Variants in SLC49A3 observed in about 807,000 individuals in gnomAD.
The protein encoded by SLC49A3 is solute carrier family 49 member A3.
In SLC49A3, 50 loss-of-function variants were observed where a neutral mutation model predicts 43.8. The ratio of observed to expected loss-of-function variants is 1.14; its 90% CI spans 0.91 to 1.45. The LOEUF is 1.45. Among genes scored for constraint, SLC49A3 ranks in the 40% most tolerant of loss-of-function variants. SLC49A3 has a pLI of 0.00. For missense variants in SLC49A3, 906 were observed against 774.1 expected (o/e 1.17, Z -2.02); for synonymous variants, 413 against 352.0 (o/e 1.17, Z -1.94).
chr4:690,397 G>A (rs1419248072), upstream of SLC49A3, among the ~76,000 whole-genome samples: 1 of 149,394 alleles, frequency 6.7e-6, no homozygotes, highest in Non-Finnish European at 1.5e-5. Context: ...CCTCATCTTT[G>A]TTCCCCATTC....
chr4:681,654 AGCGCCGCCCCGCCCCCTCCAGCGCC>A (rs1739610306), downstream of SLC49A3, among the ~76,000 whole-genome samples: 17 of 1,406 alleles, frequency 0.012, no homozygotes, highest in South Asian at 0.025. Flanking sequence ...CGCCCCCTCC[AGCGCCGCCCCGCCCCCTCCAGCGCC>A]GCCCCGCCCC....
chr4:679,877 C>T (rs1450463116), downstream of SLC49A3: 3 of 1,572,914 alleles, frequency 1.9e-6, no homozygotes, highest in African/African-American at 2.7e-5. Context: ...GGGCAGGCAA[C>T]AAGCCCTGCC....
chr4:682,840 C>T lies in SLC49A3; in HGVS notation c.1202G>A (p.Arg401Gln), dbSNP rs375187316. The change falls in exon 9 of 10, where the codon CGA (arginine) becomes CAA (glutamine). Residue 401 changes from arginine to glutamine, a missense_variant. Transcript: ENST00000322224. Reference protein sequence around the residue: ...IMLAMTALTVRRSEPSLSTCQ... With the variant: ...IMLAMTALTVQRSEPSLSTCQ... Reference sequence around the variant, plus strand: ...GGTGGACAAGGACGGCTCCGAGCGTCGCACAGTCAGTGCCGTCATTGCCAG... The same window carrying T: ...GGTGGACAAGGACGGCTCCGAGCGTTGCACAGTCAGTGCCGTCATTGCCAG... The T allele has an allele frequency of 8.1e-6, 13 of 1,604,512 alleles. No homozygotes were observed. In the African/African-American group the frequency reaches 9.4e-5, roughly 12 times the overall value.
intron 6 of SLC49A3, among the ~76,000 whole-genome samples, chr4:684,041 T>C (rs550759387): frequency 6.6e-6 from 1 of 152,270 alleles, no homozygotes; most frequent in African/African-American, 2.4e-5. Context: ...GGTGGAAACA[T>C]GCCCCCAATC....
Position 686,122 on chromosome 4 carries a change from G to A in SLC49A3, c.475C>T (p.Gln159Ter). 2 of 1,613,122 alleles carry A rather than the reference G, an allele frequency of 1.2e-6. No homozygotes were observed. The highest frequency in any genetic ancestry group is 1.7e-6 in the Non-Finnish European group (2 of 1,179,942). Residue 159 changes from glutamine to a stop codon, truncating the protein, a stop_gained, in exon 3 of 10, where the codon CAG becomes TAG. Coordinates refer to ENST00000322224, the MANE Select transcript of SLC49A3 (RefSeq NM_032219.4). LOFTEE classifies it high-confidence loss of function. ...GCGAGCATGTTGGCCGTGGCTCGCT[G>A]GTGCTCTGGGAACCACAAGGCAGCC... is the stretch of plus-strand genomic sequence containing the variant. The part of the protein sequence containing the change: ...KLAALWFPEH[Q>*]RATANMLATM...
At chr4:677,404 A>G (rs979219116), downstream of SLC49A3, among the ~76,000 whole-genome samples, 1 of 152,148 alleles carries the variant, frequency 6.6e-6, no homozygotes, top group Non-Finnish European at 1.5e-5. Context: ...CTCCCAGCCC[A>G]TCTGAGCAAC....
At chr4:688,412 G>A (rs1412427179) in intron 1 of SLC49A3, among the ~76,000 whole-genome samples, 1 of 152,162 alleles carries the variant, frequency 6.6e-6, no homozygotes, top group Non-Finnish European at 1.5e-5. Context: ...CTGAGCTGTG[G>A]GTCCTGCTGC....
downstream of SLC49A3, chr4:680,878 C>A: frequency 1.5e-6 from 1 of 649,334 alleles, no homozygotes; most frequent in African/African-American, 1.8e-5. Flanking sequence ...GGCCTGTAAC[C>A]TCCTTCCGGC....
At position 686,073 on chromosome 4, in the gene SLC49A3, C is replaced by T; in HGVS notation, c.508+16G>A. On this transcript the variant is annotated intron_variant, in intron 3 of 9. Coordinates refer to ENST00000322224, the MANE Select transcript of SLC49A3 (RefSeq NM_032219.4). ...GAGGTGAGCCCAGGCAGGCGGCCTC[C>T]CTCCCCGGAACTCACACATGGTGGC... 6.2e-7 allele frequency: 1 copy of T among 1,612,598 alleles called. No homozygotes were observed. Among genetic ancestry groups the T allele is most frequent in the East Asian group, 2.2e-5 (1 of 44,848 alleles).
In SLC49A3 at chr4:685,765, A is replaced by T; in HGVS notation, c.585+70T>A. 1 of 1,523,778 alleles carries T rather than the reference A, an allele frequency of 6.6e-7. No homozygotes were observed. Among genetic ancestry groups the T allele is most frequent in the Non-Finnish European group, 9.1e-7 (1 of 1,101,610 alleles). 94.4% of individuals were successfully genotyped at this position (1,523,778 alleles called of 1,614,324 possible). On this transcript the variant is annotated intron_variant, in intron 4 of 9. Transcript: ENST00000322224. This position sits in a 1 kb window ranked among gnomAD's most constrained non-coding sequence, Gnocchi z 4.3. ...GCACAGGAACACGGACACACTTGGG[A>T]TCAGGAACACACAGACGTGCATGCG...
At chr4:684,943 C>T in intron 4 of SLC49A3, 87 bp from the exon 5 acceptor site, 1 of 1,494,302 alleles carries the variant, frequency 6.7e-7, no homozygotes, top group Admixed American at 2.5e-5. Context: ...CGCCACCTCC[C>T]AGCTCCTCCT....
chr4:678,859 A>G (rs2109335595), downstream of SLC49A3: 3 of 1,607,806 alleles, frequency 1.9e-6, no homozygotes, highest in Non-Finnish European at 2.5e-6. Flanking sequence ...GCAGGAGTGG[A>G]AGCCTATCCT....
chr4:682,272 G>C lies in SLC49A3; in HGVS notation c.1366C>G (p.Pro456Ala), dbSNP rs774562463. The C allele has an allele frequency of 1.1e-5, 15 of 1,372,614 alleles. No homozygotes were observed. In the South Asian group the frequency reaches 2.8e-4, roughly 26 times the overall value. The allele number at this position is 1,372,614 out of a possible 1,614,324, so 85.0% of individuals were successfully genotyped here. Reference protein sequence around the residue: ...RRLQAESGEPPSTRNAVGGAD... With the variant: ...RRLQAESGEPASTRNAVGGAD... ...CCGCCCACGGCGTTACGGGTGGAGGGGGGCTCCCCAGACTCGGCCTGCAGG... is the reference window on the plus strand; with the variant it reads ...CCGCCCACGGCGTTACGGGTGGAGGCGGGCTCCCCAGACTCGGCCTGCAGG... Residue 456 changes from proline (P) to alanine (A), a missense_variant, in exon 10 of 10, where the codon CCC becomes GCC. Coordinates refer to ENST00000322224, the MANE Select transcript of SLC49A3 (RefSeq NM_032219.4).
downstream of SLC49A3, chr4:680,097 T>G (rs928473518): frequency 7.5e-7 from 1 of 1,340,972 alleles, no homozygotes; most frequent in Non-Finnish European, 1.0e-6. Flanking sequence ...CGTAAAAATC[T>G]CTCTTTTCCA....
downstream of SLC49A3, chr4:680,729 C>A: frequency 1.2e-6 from 1 of 849,088 alleles, no homozygotes; most frequent in Non-Finnish European, 1.8e-6. Flanking sequence ...GGAGCGAACC[C>A]AGGATCCCAG....
At chr4:679,247 A>C, downstream of SLC49A3, 1 of 679,770 alleles carries the variant, frequency 1.5e-6, no homozygotes, top group Admixed American at 2.3e-5. Context: ...GGTGGGTGGG[A>C]CAGCCCAAGC....
In SLC49A3 at chr4:681,986, GA is replaced by G; in HGVS notation, c.1651del (p.Ser551ProfsTer7). ...RFIDPAGSHS[S>X]FSSPWVIT is the part of the protein sequence containing the mutation. ...CGTGATCACCCACGGGGAGGAGAAG[GA>G]GGAGTGAGACCCAGCCGGGTCAATA... On this transcript the variant is annotated frameshift_variant, in exon 10 of 10. Transcript: ENST00000322224. LOFTEE classifies it high-confidence loss of function. 7.1e-7 allele frequency: 1 copy of G among 1,408,486 alleles called. No individual in the cohort carries two copies. The highest frequency in any genetic ancestry group is 1.6e-5 in the South Asian group (1 of 63,096). 87.2% of individuals were successfully genotyped at this position (1,408,486 alleles called of 1,614,324 possible).
At chr4:678,685 G>T, downstream of SLC49A3, 11 of 1,611,094 alleles carry the variant, frequency 6.8e-6, no homozygotes, top group Non-Finnish European at 9.3e-6. Flanking sequence ...GAAGAAGGAA[G>T]GGGGTGCCCT....
At chr4:681,251 A>AGGACAGAACAGGCCCCC, downstream of SLC49A3, 5 of 1,280,848 alleles carry the variant, frequency 3.9e-6, no homozygotes, top group Non-Finnish European at 5.4e-6. Flanking sequence ...GTTAGGACCC[A>AGGACAGAACAGGCCCCC]GGACAGAACA....
Sources: allele counts gnomAD v4.1 joint callset (sites outside exome capture counted in the v4.1 genomes callset), GRCh38; gene constraint gnomAD v4.1.1; non-coding constraint Gnocchi (gnomAD v3.1); transcripts MANE v1.5; gene names NCBI Gene and HGNC (gene_info 2026-07-23, HGNC 2026-07-21).